Variants in ATP5F1B observed in about 807,000 individuals in gnomAD.
The protein encoded by ATP5F1B is ATP synthase F(1) complex subunit beta, mitochondrial.
Under a neutral mutation model 45.9 loss-of-function variants are expected in ATP5F1B, and 17 were observed. The observed-to-expected ratio is 0.37, with a 90% confidence interval of 0.25 to 0.56. The LOEUF is 0.56. Ranked by LOEUF, ATP5F1B falls within the 20% of genes least tolerant of loss-of-function variation. The pLI, the probability that ATP5F1B is intolerant of heterozygous loss-of-function variation, is 0.80. For missense variants in ATP5F1B, 387 were observed against 673.2 expected (o/e 0.57, Z 4.70); for synonymous variants, 218 against 256.5 (o/e 0.85, Z 1.43).
chr12:56,640,190 A>C lies in ATP5F1B; in HGVS notation c.1077T>G (p.Ala359=). 1 of 1,613,278 alleles carries C rather than the reference A, an allele frequency of 6.2e-7. No individual in the cohort carries two copies. Among genetic ancestry groups the C allele is most frequent in the Non-Finnish European group, 8.5e-7 (1 of 1,179,632 alleles). ...TKKGSITSVQ[A]IYVPADDLTD... ...TCAAGTCATCAGCAGGCACATAGAT[A>C]GCCTAAAGTGAGATCCCATGAAGAA... The change falls in exon 8 of 10, where the codon GCT becomes GCG. Residue 359 remains alanine (A), a splice_region_variant and synonymous_variant. Coordinates refer to ENST00000262030, the MANE Select transcript of ATP5F1B (RefSeq NM_001686.4).
chr12:56,643,065 A>C, intron 5 of ATP5F1B: 1 of 551,358 alleles, frequency 1.8e-6, no homozygotes. Context: ...AGTTAAGTGA[A>C]AAGTACAAAA....
chr12:56,641,377 A>G (rs1470981821), intron 7 of ATP5F1B, among the ~76,000 whole-genome samples: 3 of 151,906 alleles, frequency 2.0e-5, no homozygotes, highest in African/African-American at 7.3e-5. Flanking sequence ...AAAAAAAAAA[A>G]AAGAATTAAA....
chr12:56,645,879 C>T lies in ATP5F1B; in HGVS notation c.85G>A (p.Ala29Thr), dbSNP rs915048004. The T allele has an allele frequency of 1.9e-6, 3 of 1,608,614 alleles. No homozygotes were observed. The African/African-American group carries it at 4.0e-5, about 21-fold the overall frequency. ...GGAGCGGCCCGCAGTAAGAGCTGAG[C>T]TGGGGGCAGCGACGCTGAAGGGGTG... is the stretch of plus-strand genomic sequence containing the variant. The part of the protein sequence containing the change: ...RLTPSASLPP[A>T]QLLLRAAPTA... The change falls in exon 1 of 10, where the codon GCT becomes ACT. Residue 29 changes from alanine to threonine, a missense_variant. Ala to Thr is a moderately conservative substitution (Grantham distance 58, BLOSUM62 0). Coordinates refer to ENST00000262030, the MANE Select transcript of ATP5F1B (RefSeq NM_001686.4).
At chr12:56,642,322 T>C (rs1951518398) in intron 7 of ATP5F1B, 136 bp downstream of exon 7, 1 of 1,274,804 alleles carries the variant, frequency 7.8e-7, no homozygotes, top group Admixed American at 2.3e-5. Context: ...TCTCTCTACA[T>C]ACATACAGCT....
In ATP5F1B at chr12:56,640,827, A is replaced by G. The variant is rs1394818428; in HGVS notation, c.1075-635T>C. The stretch of plus-strand genomic sequence containing the variant: ...TTTGGGAGGCCAAGGAGGGCAGATC[A>G]CGAGGTCAGGAGTTCGACACCAGTA... On this transcript the variant is annotated intron_variant, in intron 7 of 9. Transcript: ENST00000262030. Among the ~76,000 whole-genome samples, 3 of 150,096 alleles carry G rather than the reference A, an allele frequency of 2.0e-5. No homozygotes were observed. In the South Asian group the frequency reaches 6.4e-4, roughly 32 times the overall value.
intron 8 of ATP5F1B, 61 bp from the exon 9 acceptor site, chr12:56,639,368 A>C (rs536057742): frequency 7.2e-6 from 11 of 1,525,032 alleles, no homozygotes; most frequent in African/African-American, 5.5e-5. Context: ...ACAAGCTAAC[A>C]AAGGGAAAGT....
intron 7 of ATP5F1B, among the ~76,000 whole-genome samples, chr12:56,641,907 A>G (rs1051019496): frequency 2.0e-5 from 3 of 152,154 alleles, no homozygotes; most frequent in Non-Finnish European, 4.4e-5. Flanking sequence ...TACAGTAAAT[A>G]TTTAATGCTC....
At chr12:56,642,861 T>C (rs759255437) in intron 5 of ATP5F1B, 30 bp from the exon 6 acceptor site, 11 of 1,612,004 alleles carry the variant, frequency 6.8e-6, no homozygotes, top group Admixed American at 1.7e-5. Flanking sequence ...TCGTAAAACC[T>C]GACAAAGGAG....
chr12:56,642,557 GA>G lies in ATP5F1B; in HGVS notation c.974del (p.Ile325ThrfsTer43). The G allele has an allele frequency of 1.2e-6, 2 of 1,614,094 alleles. No homozygotes were observed. The highest frequency in any genetic ancestry group is 1.7e-6 in the Non-Finnish European group (2 of 1,180,032). ...GSEVSALLGR[I>X]PSAVGYQPTL... ...TAGGCTGATAGCCCACAGCAGAAGG[GA>G]TTCGGCCCAATAATGCAGACACCTA... On this transcript the variant is annotated frameshift_variant, in exon 7 of 10. Transcript: ENST00000262030. LOFTEE classifies it high-confidence loss of function.
intron 7 of ATP5F1B, among the ~76,000 whole-genome samples, chr12:56,642,006 T>A (rs1056347131): frequency 9.9e-4 from 151 of 152,022 alleles, no homozygotes; most frequent in Non-Finnish European, 7.4e-5. Context: ...TATTTTTTTT[T>A]AATTTTTTGA....
Position 56,645,887 on chromosome 12 carries a change from A to G in ATP5F1B, c.77T>C (p.Leu26Pro), listed in dbSNP as rs1472138741. Residue 26 changes from leucine (L) to proline (P), a missense_variant, in exon 1 of 10, where the codon CTG becomes CCG. Transcript: ENST00000262030. Reference sequence around the variant, plus strand: ...CCGCAGTAAGAGCTGAGCTGGGGGCAGCGACGCTGAAGGGGTGAGTCTCCG... The same window carrying G: ...CCGCAGTAAGAGCTGAGCTGGGGGCGGCGACGCTGAAGGGGTGAGTCTCCG... ...ALRRLTPSAS[L>P]PPAQLLLRAA... 1 of 1,608,236 alleles carries G rather than the reference A, an allele frequency of 6.2e-7. No homozygotes were observed. Among genetic ancestry groups the G allele is most frequent in the Admixed American group, 1.7e-5 (1 of 59,132 alleles).
chr12:56,644,578 CA>C (rs949795047), intron 3 of ATP5F1B, among the ~76,000 whole-genome samples: 253 of 144,102 alleles, frequency 1.8e-3, no homozygotes, highest in African/African-American at 6.0e-3. Flanking sequence ...AACTCCCTCT[CA>C]AAAAAAAAAA....
chr12:56,642,881 C>T, intron 5 of ATP5F1B, 50 bp from the exon 6 acceptor site: 1 of 1,597,598 alleles, frequency 6.3e-7, no homozygotes, highest in African/African-American at 1.3e-5. Flanking sequence ...GTAGAGAAGC[C>T]ACATACTGAA....
intron 1 of ATP5F1B, 103 bp downstream of exon 1, chr12:56,645,734 C>T: frequency 1.3e-6 from 2 of 1,545,078 alleles, no homozygotes; most frequent in Non-Finnish European, 1.8e-6. Context: ...TCCAGGCATC[C>T]TTTTAACACC....
At position 56,643,417 on chromosome 12, in the gene ATP5F1B, C is replaced by A. The variant is rs1461296669; in HGVS notation, c.778G>T (p.Asp260Tyr). 2 of 1,614,172 alleles carry A rather than the reference C, an allele frequency of 1.2e-6. No individual in the cohort carries two copies. Among genetic ancestry groups the A allele is most frequent in the Non-Finnish European group, 1.7e-6 (2 of 1,180,006 alleles). ...TCAATGCTTACCTTAGAGGTGGCAT[C>A]TTTTAAGTTGATAACACCAGATTCA... ...MIESGVINLKDATSKVALVYG... is the reference protein window; with the variant it reads ...MIESGVINLKYATSKVALVYG... The change falls in exon 5 of 10, where the codon GAT (aspartate) becomes TAT (tyrosine). Residue 260 changes from aspartate to tyrosine, a missense_variant. Transcript: ENST00000262030.
intron 7 of ATP5F1B, among the ~76,000 whole-genome samples, chr12:56,641,541 A>C (rs1015450132): frequency 1.3e-5 from 2 of 151,934 alleles, no homozygotes; most frequent in African/African-American, 4.8e-5. Flanking sequence ...ACATTAATGC[A>C]GTAAATTTTT....
intron 9 of ATP5F1B, among the ~76,000 whole-genome samples, chr12:56,638,741 C>T (rs1466463134): frequency 3.3e-5 from 5 of 152,052 alleles, no homozygotes; most frequent in African/African-American, 1.2e-4. Context: ...ACTAAAAATA[C>T]AAAAATTAGC....
rs149848758 is a variant in ATP5F1B at position 56,643,692 on chromosome 12, T to C, written c.608-105A>G. On this transcript the variant is annotated intron_variant, in intron 4 of 9. Coordinates refer to ENST00000262030, the MANE Select transcript of ATP5F1B (RefSeq NM_001686.4). The stretch of plus-strand genomic sequence containing the variant: ...CTTCCATCCTATTCCTTCTCAGAAA[T>C]TGCATCTGGCTTCAGCAAACTCAGA... The C allele has an allele frequency of 1.6e-3, 2,558 of 1,582,942 alleles. 5 individuals are homozygous for C. Among genetic ancestry groups the C allele is most frequent in the Admixed American group, 3.1e-3 (186 of 59,992 alleles).
At position 56,639,074 on chromosome 12, in the gene ATP5F1B, T is replaced by G. The variant is rs746624237; in HGVS notation, c.1489+32A>C. 25 of 1,602,794 alleles carry G rather than the reference T, an allele frequency of 1.6e-5. No individual in the cohort carries two copies. The South Asian group carries it at 2.8e-4, about 18-fold the overall frequency. Reference sequence around the variant, plus strand: ...TTGTTGGAATGGGACCACAGCACAGTAAACATTCAAGATTTGTACTCAAAA... The same window carrying G: ...TTGTTGGAATGGGACCACAGCACAGGAAACATTCAAGATTTGTACTCAAAA... On this transcript the variant is annotated intron_variant, in intron 9 of 9. Coordinates refer to ENST00000262030, the MANE Select transcript of ATP5F1B (RefSeq NM_001686.4).
Sources: gnomAD v4.1 joint callset for allele counts (sites outside exome capture counted in the v4.1 genomes callset) on GRCh38, gnomAD v4.1.1 for gene constraint, MANE v1.5 for transcripts, NCBI Gene and HGNC (gene_info 2026-07-23, HGNC 2026-07-21) for gene names.